The following CHN1 variants were observed in gnomAD, a reference collection of about 807,000 sequenced individuals.
CHN1 encodes the protein chimerin 1.
In CHN1, 37 loss-of-function variants were observed where a neutral mutation model predicts 59.5. The observed-to-expected ratio is 0.62, with a 90% CI of 0.48 to 0.82. The LOEUF (loss-of-function observed/expected upper bound fraction) is 0.82. Ranked by LOEUF, CHN1 falls within the 40% of genes least tolerant of loss-of-function variation. The pLI, the probability that CHN1 is intolerant of heterozygous loss-of-function variation, is 0.00. For synonymous variants in CHN1, 206 were observed against 200.4 expected (o/e 1.03, Z -0.24); for missense variants, 469 against 571.0 (o/e 0.82, Z 1.82).
intron 7 of CHN1, among the ~76,000 whole-genome samples, chr2:174,836,628 A>C (rs1686090294): frequency 6.6e-6 from 1 of 152,092 alleles, no homozygotes; most frequent in Admixed American, 6.5e-5. Context: ...TTGACATTTA[A>C]TCTTGTAGAG....
chr2:174,983,590 G>C (rs1450421505), intron 1 of CHN1, among the ~76,000 whole-genome samples: 1 of 152,080 alleles, frequency 6.6e-6, no homozygotes, highest in African/African-American at 2.4e-5. Flanking sequence ...AGCACTTTGG[G>C]AGGCCGAGGC....
At chr2:174,975,738 T>C (rs1690903375) in intron 1 of CHN1, among the ~76,000 whole-genome samples, 1 of 152,042 alleles carries the variant, frequency 6.6e-6, no homozygotes, top group Non-Finnish European at 1.5e-5. Context: ...AATCAGTATT[T>C]ACATAAATGG....
At chr2:174,883,502 A>ACT (rs1687797247) in intron 5 of CHN1, among the ~76,000 whole-genome samples, 1 of 152,168 alleles carries the variant, frequency 6.6e-6, no homozygotes, top group African/African-American at 2.4e-5. Flanking sequence ...AAAAGACTTA[A>ACT]GAGTAGAGAC....
At chr2:174,816,375 T>C (rs1018963039) in intron 8 of CHN1, among the ~76,000 whole-genome samples, 4 of 152,202 alleles carry the variant, frequency 2.6e-5, no homozygotes, top group Non-Finnish European at 5.9e-5. Flanking sequence ...AAAACTGGCT[T>C]GTACCTAGAC....
intron 5 of CHN1, among the ~76,000 whole-genome samples, chr2:174,904,593 A>G (rs1688487823): frequency 6.6e-6 from 1 of 152,130 alleles, no homozygotes; most frequent in Non-Finnish European, 1.5e-5. Context: ...TCTCCATGTC[A>G]GTCGGGCTGG....
chr2:174,812,607 C>CTGG, intron 8 of CHN1, 125 bp from the exon 9 acceptor site: 1 of 738,520 alleles, frequency 1.4e-6, no homozygotes, highest in Non-Finnish European at 2.2e-6. Flanking sequence ...TAGACTCCAG[C>CTGG]AGTTCTTTCT....
chr2:174,891,663 C>T (rs1342698768), intron 5 of CHN1, among the ~76,000 whole-genome samples: 1 of 151,006 alleles, frequency 6.6e-6, no homozygotes, highest in Non-Finnish European at 1.5e-5. Flanking sequence ...GTGGTAAATA[C>T]CTACATGAAA....
intron 1 of CHN1, among the ~76,000 whole-genome samples, chr2:174,974,754 T>C (rs1690867132): frequency 6.6e-6 from 1 of 152,152 alleles, no homozygotes; most frequent in Non-Finnish European, 1.5e-5. Context: ...GTTCATATCA[T>C]TAATAAACAC....
chr2:174,804,052 A>AT (rs527925648), intron 11 of CHN1, among the ~76,000 whole-genome samples: 137 of 152,302 alleles, frequency 9.0e-4, no homozygotes, highest in Non-Finnish European at 1.1e-3. Context: ...AACCATGAAT[A>AT]TGATATATTA....
At chr2:174,890,998 G>A (rs1029135141) in intron 5 of CHN1, among the ~76,000 whole-genome samples, 20 of 151,342 alleles carry the variant, frequency 1.3e-4, no homozygotes, top group South Asian at 2.1e-4. Flanking sequence ...AAAATTAGCC[G>A]GGTGTGGTAG....
chr2:174,972,789 T>TTA (rs1487260844), intron 1 of CHN1, among the ~76,000 whole-genome samples: 1 of 152,078 alleles, frequency 6.6e-6, no homozygotes, highest in East Asian at 1.9e-4. Flanking sequence ...GAGAGAATGT[T>TTA]TAACAAATTC....
chr2:174,834,691 G>A (rs1431279065), intron 7 of CHN1, among the ~76,000 whole-genome samples: 1 of 152,136 alleles, frequency 6.6e-6, no homozygotes, highest in Non-Finnish European at 1.5e-5. Flanking sequence ...TGTAAGATGT[G>A]TGAGTACCAG....
intron 1 of CHN1, among the ~76,000 whole-genome samples, chr2:174,959,150 G>C (rs1164167683): frequency 2.6e-5 from 4 of 152,034 alleles, no homozygotes; most frequent in Non-Finnish European, 5.9e-5. Context: ...TCTATTTTTT[G>C]CTGGTAGAAG....
intron 1 of CHN1, among the ~76,000 whole-genome samples, chr2:174,998,387 C>G (rs759208935): frequency 7.0e-6 from 1 of 143,376 alleles, no homozygotes; most frequent in Non-Finnish European, 1.5e-5. Flanking sequence ...TGGGAAAAAT[C>G]AGGAAGAATT....
chr2:174,865,843 A>C (rs1438057146), intron 6 of CHN1, among the ~76,000 whole-genome samples: 2 of 152,182 alleles, frequency 1.3e-5, no homozygotes, highest in Non-Finnish European at 2.9e-5. Flanking sequence ...AAACCTCTTA[A>C]AGGTTAACAA....
chr2:174,921,023 T>C, intron 3 of CHN1: 1 of 419,520 alleles, frequency 2.4e-6, no homozygotes, highest in Non-Finnish European at 5.0e-6. Context: ...CGCGTTCCCA[T>C]GAGTCTAATA....
rs201600311 is a variant in CHN1, at chr2:174,955,189, T to TAG, written c.20-2988_20-2987insCT. 8.4e-3 allele frequency among the ~76,000 whole-genome samples: 863 copies of TAG among 102,532 alleles called. 3 individuals carry two copies. Among genetic ancestry groups the TAG allele is most frequent in the Non-Finnish European group, 0.011 (586 of 52,718 alleles). 67.3% of individuals were successfully genotyped at this position (102,532 alleles called of 152,430 possible). On this transcript the variant is annotated intron_variant, in intron 1 of 12. Coordinates refer to ENST00000409900, the MANE Select transcript of CHN1 (RefSeq NM_001822.7). Reference sequence around the variant, plus strand: ...ATATCTCTATATATCTATATCTATATATATATATATAATTGATATATATAT... The same window carrying TAG: ...ATATCTCTATATATCTATATCTATATAGATATATATATAATTGATATATATAT...
At chr2:174,850,678 A>G (rs1437439715) in intron 6 of CHN1, among the ~76,000 whole-genome samples, 1 of 152,122 alleles carries the variant, frequency 6.6e-6, no homozygotes, top group East Asian at 1.9e-4. Context: ...TATACCACAT[A>G]AGCATGCCTG....
chr2:174,879,985 C>A (rs1687687261), intron 5 of CHN1, among the ~76,000 whole-genome samples: 1 of 152,162 alleles, frequency 6.6e-6, no homozygotes, highest in African/African-American at 2.4e-5. Flanking sequence ...CTAGAGTTAA[C>A]TTCCTAGTTC....
Sources: allele counts gnomAD v4.1 joint callset (sites outside exome capture counted in the v4.1 genomes callset), GRCh38; gene constraint gnomAD v4.1.1; transcripts MANE v1.5; gene names NCBI Gene and HGNC (gene_info 2026-07-23, HGNC 2026-07-21).